Variants in DAP observed in about 807,000 individuals in gnomAD.
DAP encodes the protein death-associated protein 1.
DAP carries 8 observed loss-of-function variants against 13.8 expected under a neutral mutation model. That is an observed-to-expected ratio of 0.58 (90% CI 0.34 to 1.05). The LOEUF is 1.05. Among genes scored for constraint, DAP ranks in the 50% least tolerant of loss-of-function variants. The pLI, the probability that DAP is intolerant of heterozygous loss-of-function variation, is 0.03. For missense variants in DAP, 106 were observed against 133.2 expected (o/e 0.80, Z 1.01); for synonymous variants, 47 against 47.5 (o/e 0.99, Z 0.04).
At chr5:10,702,535 C>T (rs559639487) in intron 2 of DAP, among the ~76,000 whole-genome samples, 1 of 152,302 alleles carries the variant, frequency 6.6e-6, no homozygotes, top group Admixed American at 6.5e-5. Flanking sequence ...GCTTTTCTCC[C>T]TCTTTAGAGG....
intron 2 of DAP, among the ~76,000 whole-genome samples, chr5:10,742,793 G>A (rs1182809457): frequency 6.6e-6 from 1 of 152,130 alleles, no homozygotes; most frequent in African/African-American, 2.4e-5. Context: ...CTGGGCCCTA[G>A]GGATGCTTAT....
rs1739904154 is a variant in DAP at position 10,746,321 on chromosome 5, C to CG, written c.152+1853dup. Among the ~76,000 whole-genome samples the CG allele has an allele frequency of 1.1e-4, 16 of 144,734 alleles. No individual in the cohort carries two copies. The Admixed American group carries it at 1.1e-3, about 10-fold the overall frequency. The allele number at this position is 144,734 out of a possible 152,430, so 95.0% of individuals were successfully genotyped here. The stretch of plus-strand genomic sequence containing the variant: ...CAGTAAGTGAGAAAAATAATTCTAG[C>CG]GTTTTTTTTTTGTTTTTTTTTTTTT... On this transcript the variant is annotated intron_variant, in intron 2 of 3. Coordinates refer to ENST00000230895, the MANE Select transcript of DAP (RefSeq NM_004394.3).
intron 2 of DAP, among the ~76,000 whole-genome samples, chr5:10,711,003 C>T (rs745772622): frequency 1.3e-5 from 2 of 152,124 alleles, no homozygotes; most frequent in African/African-American, 4.8e-5. Flanking sequence ...ACAGAAGAGA[C>T]AAAGAGAAAA....
intron 1 of DAP, among the ~76,000 whole-genome samples, chr5:10,755,128 GA>G (rs1435994740): frequency 1.3e-5 from 2 of 152,228 alleles, no homozygotes; most frequent in African/African-American, 4.8e-5. Flanking sequence ...GAATGTGAAA[GA>G]GGGAGGCGGA....
chr5:10,713,625 T>C (rs1231992082), intron 2 of DAP, among the ~76,000 whole-genome samples: 1 of 152,168 alleles, frequency 6.6e-6, no homozygotes, highest in Non-Finnish European at 1.5e-5. Context: ...CCAAAGCTGG[T>C]ACTCAAACCC....
chr5:10,686,406 G>C (rs1023533453), intron 2 of DAP, among the ~76,000 whole-genome samples: 4 of 152,222 alleles, frequency 2.6e-5, no homozygotes, highest in Admixed American at 2.0e-4. Context: ...CGGAAGCTCA[G>C]ACAGGCTGGT....
Position 10,679,347 on chromosome 5 carries a change from C to T in DAP, c.*1709G>A, listed in dbSNP as rs1210916314. 1 of 152,344 alleles carries T rather than the reference C, an allele frequency of 6.6e-6. No individual in the cohort carries two copies. Among genetic ancestry groups the T allele is most frequent in the Non-Finnish European group, 1.5e-5 (1 of 68,038 alleles). 9.4% of individuals were successfully genotyped at this position (152,344 alleles called of 1,614,324 possible). On this transcript the variant is annotated 3_prime_UTR_variant, in exon 4 of 4. Transcript: ENST00000230895. ...TGATCTAAAGCTCACAGATGCATGC[C>T]ACATCTAGCTAAAAGTACATAAAAA...
At position 10,721,733 on chromosome 5, in the gene DAP, G is replaced by A. The variant is rs192056376; in HGVS notation, c.152+26442C>T. Reference sequence around the variant, plus strand: ...AGGCAAAGGGAATACAGATTGGGTAGAAGAAGGTAGTCATCAATACCAGCT... The same window carrying A: ...AGGCAAAGGGAATACAGATTGGGTAAAAGAAGGTAGTCATCAATACCAGCT... On this transcript the variant is annotated intron_variant, in intron 2 of 3. Coordinates refer to ENST00000230895, the MANE Select transcript of DAP (RefSeq NM_004394.3). Among the ~76,000 whole-genome samples the A allele has an allele frequency of 8.5e-5, 13 of 152,344 alleles. No individual in the cohort carries two copies. In the East Asian group the frequency reaches 1.7e-3, roughly 20 times the overall value.
intron 2 of DAP, among the ~76,000 whole-genome samples, chr5:10,727,502 G>A (rs970769005): frequency 2.0e-5 from 3 of 152,162 alleles, no homozygotes; most frequent in Non-Finnish European, 4.4e-5. Flanking sequence ...GATGGGGCCT[G>A]CTGCCTTGCT....
chr5:10,698,196 T>C (rs1456084698), intron 2 of DAP, among the ~76,000 whole-genome samples: 1 of 141,034 alleles, frequency 7.1e-6, no homozygotes, highest in African/African-American at 2.7e-5. Flanking sequence ...ATTCAACTGC[T>C]ACCTGACTGG....
chr5:10,730,838 TG>T (rs1273808123), intron 2 of DAP, among the ~76,000 whole-genome samples: 3 of 43,186 alleles, frequency 6.9e-5, no homozygotes, highest in Admixed American at 3.1e-4. Flanking sequence ...AGAGCCCTGG[TG>T]GGGGGGAAAT....
chr5:10,719,166 A>G (rs1739070725), intron 2 of DAP, among the ~76,000 whole-genome samples: 2 of 152,368 alleles, frequency 1.3e-5, no homozygotes, highest in Middle Eastern at 3.4e-3. Flanking sequence ...CCTGCAACCA[A>G]GAAAGAGGCA....
rs979314964 is a variant in DAP at position 10,741,936 on chromosome 5, G to A, written c.152+6239C>T. On this transcript the variant is annotated intron_variant, in intron 2 of 3. Coordinates refer to ENST00000230895, the MANE Select transcript of DAP (RefSeq NM_004394.3). ...ACGGTAAAGACACTCTTTTCATTTT[G>A]TTTTGTAATTAATAGATATATTGGG... is the stretch of plus-strand genomic sequence containing the variant. Among the ~76,000 whole-genome samples, 3 of 152,156 alleles carry A rather than the reference G, an allele frequency of 2.0e-5. No individual in the cohort carries two copies. The East Asian group carries it at 5.8e-4, about 29-fold the overall frequency.
At chr5:10,741,883 T>C (rs1441681683) in intron 2 of DAP, among the ~76,000 whole-genome samples, 1 of 152,264 alleles carries the variant, frequency 6.6e-6, no homozygotes, top group Non-Finnish European at 1.5e-5. Flanking sequence ...GTTTTCATAC[T>C]GTACACAATG....
chr5:10,735,190 A>G (rs993237845), intron 2 of DAP, among the ~76,000 whole-genome samples: 10 of 152,220 alleles, frequency 6.6e-5, no homozygotes, highest in African/African-American at 1.4e-4. Context: ...ATTCCTGAAA[A>G]AATAACCTCT....
At position 10,737,777 on chromosome 5, in the gene DAP, A is replaced by C. The variant is rs1739653649; in HGVS notation, c.152+10398T>G. On this transcript the variant is annotated intron_variant, in intron 2 of 3. Coordinates refer to ENST00000230895, the MANE Select transcript of DAP (RefSeq NM_004394.3). ...CGGGTTGACTTGTGTCCTCCAAAAA[A>C]GGCATGCTGAAATCCTAACTCCCAG... Among the ~76,000 whole-genome samples, 3 of 152,228 alleles carry C rather than the reference A, an allele frequency of 2.0e-5. No individual in the cohort carries two copies. In the South Asian group the frequency reaches 6.2e-4, roughly 32 times the overall value.
At chr5:10,690,020 T>A (rs147504478) in intron 2 of DAP, among the ~76,000 whole-genome samples, 4 of 152,290 alleles carry the variant, frequency 2.6e-5, no homozygotes, top group Admixed American at 2.6e-4. Context: ...AGCGCCCCCA[T>A]CTGTTTGGCA....
At chr5:10,690,008 C>G (rs1738264432) in intron 2 of DAP, among the ~76,000 whole-genome samples, 1 of 152,178 alleles carries the variant, frequency 6.6e-6, no homozygotes, top group Non-Finnish European at 1.5e-5. Context: ...CTGCTGTGCT[C>G]CAGCGCCCCC....
intron 1 of DAP, among the ~76,000 whole-genome samples, chr5:10,757,581 A>T (rs1039222032): frequency 5.9e-5 from 9 of 152,178 alleles, no homozygotes; most frequent in African/African-American, 1.9e-4. Context: ...GCTCTGGGTC[A>T]GGTTTTTAAA....
Sources: gnomAD v4.1 joint callset for allele counts (sites outside exome capture counted in the v4.1 genomes callset) on GRCh38, gnomAD v4.1.1 for gene constraint, MANE v1.5 for transcripts, NCBI Gene and HGNC (gene_info 2026-07-23, HGNC 2026-07-21) for gene names.